NES: variants seen among roughly 807,000 people sequenced by gnomAD.
NES encodes nestin.
NES carries 27 observed loss-of-function variants against 35.6 expected under a neutral mutation model. The ratio of observed to expected loss-of-function variants is 0.76; its 90% CI spans 0.56 to 1.04. NES has a LOEUF of 1.04. NES is among the 50% of genes least tolerant of loss of function. The pLI is 0.00. For missense variants in NES, 1,867 were observed against 1,983.6 expected, an observed-to-expected ratio of 0.94 and a Z score of 1.12; for synonymous variants, 822 against 824.2, an observed-to-expected ratio of 1.00 and a Z score of 0.04.
At chr1:156,675,606 A>G (rs1196724096) in intron 1 of NES, among the ~76,000 whole-genome samples, 1 of 152,158 alleles carries the variant, frequency 6.6e-6, no homozygotes, top group Non-Finnish European at 1.5e-5. Context: ...AAATGGTAGC[A>G]CATGTTGCTC....
Position 156,676,899 on chromosome 1 carries a change from G to A in NES, c.366C>T (p.Ala122=), listed in dbSNP as rs1647313124. The stretch of plus-strand genomic sequence containing the variant: ...CCACCTGGCTACTCAGCCAGGCCCG[G>A]GCGCATTTCTCTGCCTCGACGGCGC... The part of the protein sequence containing the change: ...NRRAVEAEKC[A]RAWLSSQVAE... The change falls in exon 1 of 4, where the codon GCC becomes GCT. Residue 122 remains alanine, a synonymous_variant. Coordinates refer to ENST00000368223, the MANE Select transcript of NES (RefSeq NM_006617.2). The surrounding 1 kb of genome is among the most constrained non-coding windows in gnomAD (Gnocchi z 5.3). 2 of 1,551,554 alleles carry A rather than the reference G, an allele frequency of 1.3e-6. No individual in the cohort carries two copies. Among genetic ancestry groups the A allele is most frequent in the Non-Finnish European group, 8.6e-7 (1 of 1,159,182 alleles).
Position 156,670,887 on chromosome 1 carries a change from G to A in NES, c.3301C>T (p.Pro1101Ser). 5 of 1,089,462 alleles carry A rather than the reference G, an allele frequency of 4.6e-6. No homozygotes were observed. The highest frequency in any genetic ancestry group is 6.6e-6 in the Non-Finnish European group (5 of 753,360). The allele number at this position is 1,089,462 out of a possible 1,614,324, so 67.5% of individuals were successfully genotyped here. A position where few individuals can be genotyped will look rare whatever the true frequency, so the allele number is the denominator to read the frequency against. Residue 1101 changes from proline to serine, a missense_variant, in exon 4 of 4, where the codon CCG becomes TCG. By Grantham distance (74) the Pro-to-Ser change is moderately conservative. Coordinates refer to ENST00000368223, the MANE Select transcript of NES (RefSeq NM_006617.2). Reference protein sequence around the residue: ...GESAAGAEPGPGQGVGGLGDP... With the variant: ...GESAAGAEPGSGQGVGGLGDP... ...CCCAGCCCTCCCACCCCCTGCCCCG[G>A]GCCTGGCTCAGCTCCCGCAGCAGAC...
chr1:156,676,625 C>T lies in NES; in HGVS notation c.640G>A (p.Ala214Thr), dbSNP rs1460868035. 1 of 1,541,924 alleles carries T rather than the reference C, an allele frequency of 6.5e-7. No homozygotes were observed. The highest frequency in any genetic ancestry group is 1.2e-5 in the South Asian group (1 of 85,074). The stretch of plus-strand genomic sequence containing the variant: ...CGGCCCTCGCGGGCACCCTGCACCG[C>T]CCGGCCCAGCCGCTCGCGGGCCTGG... ...LGQARERLGR[A>T]VQGAREGRLE... The change falls in exon 1 of 4, where the codon GCG becomes ACG. Residue 214 changes from alanine (A) to threonine (T), a missense_variant. Coordinates refer to ENST00000368223, the MANE Select transcript of NES (RefSeq NM_006617.2). The surrounding 1 kb of genome is among the most constrained non-coding windows in gnomAD (Gnocchi z 5.3).
At position 156,677,091 on chromosome 1, in the gene NES, G is replaced by A. The variant is rs548453082; in HGVS notation, c.174C>T (p.Asp58=). The change falls in exon 1 of 4, where the codon GAC becomes GAT. Residue 58 remains aspartate, a synonymous_variant. Transcript: ENST00000368223. The surrounding 1 kb of genome is among the most constrained non-coding windows in gnomAD (Gnocchi z 4.5). ...ADTSWRAHAD[D]ELAALRALVD... ...CGAGGGCCCGCAGGGCCGCCAGCTC[G>A]TCGTCGGCATGCGCCCGCCAGGAGG... 275 of 1,603,270 alleles carry A rather than the reference G, an allele frequency of 1.7e-4. 1 individual carries two copies. In the South Asian group the frequency reaches 3.0e-3, roughly 18 times the overall value.
In NES at chr1:156,677,061, G is replaced by A; in HGVS notation, c.204C>T (p.Asp68=). The part of the protein sequence containing the change: ...DELAALRALV[D]QRWREKHAAE... The stretch of plus-strand genomic sequence containing the variant: ...CCGCGTGCTTCTCCCGCCAGCGTTG[G>A]TCAACGAGGGCCCGCAGGGCCGCCA... The change falls in exon 1 of 4, where the codon GAC becomes GAT. Residue 68 remains aspartate, a synonymous_variant. Coordinates refer to ENST00000368223, the MANE Select transcript of NES (RefSeq NM_006617.2). This position sits in a 1 kb window ranked among gnomAD's most constrained non-coding sequence, Gnocchi z 4.5. The A allele has an allele frequency of 2.5e-6, 4 of 1,597,944 alleles. No homozygotes were observed. The highest frequency in any genetic ancestry group is 3.4e-6 in the Non-Finnish European group (4 of 1,174,266).
chr1:156,673,810 C>T (rs1679787253), intron 2 of NES, among the ~76,000 whole-genome samples: 1 of 150,426 alleles, frequency 6.6e-6, no homozygotes, highest in Non-Finnish European at 1.5e-5. Context: ...GCCCTACACA[C>T]ACCCACACAA....
In NES at chr1:156,677,245, TC is replaced by T; in HGVS notation, c.19del (p.Glu7ArgfsTer103). 6.2e-7 allele frequency: 1 copy of T among 1,612,094 alleles called. No individual in the cohort carries two copies. Among genetic ancestry groups the T allele is most frequent in the Non-Finnish European group, 8.5e-7 (1 of 1,179,742 alleles). On this transcript the variant is annotated frameshift_variant, in exon 1 of 4. Coordinates refer to ENST00000368223, the MANE Select transcript of NES (RefSeq NM_006617.2). LOFTEE classifies it high-confidence loss of function. The surrounding 1 kb of genome is among the most constrained non-coding windows in gnomAD (Gnocchi z 4.5). Reference sequence around the variant, plus strand: ...GAGCTCCCACATCTGAAACGACTCCTCCCCCATGCAGCCCTCCATCCTGCTC... The same window carrying T: ...GAGCTCCCACATCTGAAACGACTCCTCCCCATGCAGCCCTCCATCCTGCTC... MEGCMG[E>X]ESFQMWELNR...
chr1:156,675,765 G>A (rs1029883398), intron 1 of NES, among the ~76,000 whole-genome samples: 6 of 152,034 alleles, frequency 3.9e-5, no homozygotes, highest in African/African-American at 1.4e-4. Flanking sequence ...AACAGCCCCC[G>A]TCCCCCGTTG....
Position 156,675,261 on chromosome 1 carries a change from AGC to A in NES, c.861_862del (p.Gln287HisfsTer22). The A allele has an allele frequency of 6.2e-7, 1 of 1,613,694 alleles. No individual in the cohort carries two copies. Reference sequence around the variant, plus strand: ...GCTGAGGGACATCTTGAGGTGCGCCAGCTGCTGCCGACCTTCCAGGACCTGAG... The same window carrying A: ...GCTGAGGGACATCTTGAGGTGCGCCATGCTGCCGACCTTCCAGGACCTGAG... On this transcript the variant is annotated frameshift_variant, in exon 2 of 4. Coordinates refer to ENST00000368223, the MANE Select transcript of NES (RefSeq NM_006617.2). LOFTEE classifies it high-confidence loss of function.
Position 156,677,247 on chromosome 1 carries a change from C to T in NES, c.18G>A (p.Gly6=). 6.2e-7 allele frequency: 1 copy of T among 1,612,302 alleles called. No homozygotes were observed. The highest frequency in any genetic ancestry group is 1.7e-5 in the Admixed American group (1 of 59,964). ...GCTCCCACATCTGAAACGACTCCTC[C>T]CCCATGCAGCCCTCCATCCTGCTCG... is the stretch of plus-strand genomic sequence containing the variant. MEGCM[G]EESFQMWELN... is the part of the protein sequence containing the mutation. The change falls in exon 1 of 4, where the codon GGG becomes GGA. Residue 6 remains glycine, a synonymous_variant. Transcript: ENST00000368223. The surrounding 1 kb of genome is among the most constrained non-coding windows in gnomAD (Gnocchi z 4.5).
Position 156,673,079 on chromosome 1 carries a change from G to C in NES, c.1109C>G (p.Ala370Gly), listed in dbSNP as rs1471341318. ...LPATLETPVP[A>G]FLKNQEFLQA... is the part of the protein sequence containing the mutation. The stretch of plus-strand genomic sequence containing the variant: ...GAGGAATTCTTGGTTCTTAAGAAAG[G>C]CTGGCACAGGTGTCTCAAGGGTAGC... The change falls in exon 4 of 4, where the codon GCC becomes GGC. Residue 370 changes from alanine (A) to glycine (G), a missense_variant. Coordinates refer to ENST00000368223, the MANE Select transcript of NES (RefSeq NM_006617.2). 2 of 1,606,928 alleles carry C rather than the reference G, an allele frequency of 1.2e-6. No homozygotes were observed. Among genetic ancestry groups the C allele is most frequent in the Non-Finnish European group, 1.7e-6 (2 of 1,175,236 alleles).
chr1:156,673,736 C>T (rs1405032766), intron 2 of NES, among the ~76,000 whole-genome samples: 1 of 152,192 alleles, frequency 6.6e-6, no homozygotes, highest in Non-Finnish European at 1.5e-5. Flanking sequence ...CACAAAGTCA[C>T]ACTGTATTTG....
At position 156,674,937 on chromosome 1, in the gene NES, C is replaced by T. The variant is rs112099817; in HGVS notation, c.908+279G>A. On this transcript the variant is annotated intron_variant, in intron 2 of 3. Coordinates refer to ENST00000368223, the MANE Select transcript of NES (RefSeq NM_006617.2). ...AGGGTCTGGATGCAGTTGCCCCACA[C>T]GGGCCCAGCCCCTCTCCAGAGGCTG... Among the ~76,000 whole-genome samples, 34,226 of 152,188 alleles carry T rather than the reference C, an allele frequency of 0.22. 4,766 individuals carry two copies. The highest frequency in any genetic ancestry group is 0.35 in the Middle Eastern group (104 of 294).
Position 156,669,907 on chromosome 1 carries a change from C to T in NES, c.4281G>A (p.Glu1427=). ...GCCCAGCCCCTGGCTCCCTCCCCTC[C>T]TCCTGATCCTCCTCTCCCTCCTCCC... ...ESGEEGEEDQ[E]EGREPGAGRW... Residue 1427 remains glutamate (E), a synonymous_variant, in exon 4 of 4, where the codon GAG becomes GAA. Transcript: ENST00000368223. 6.2e-7 allele frequency: 1 copy of T among 1,613,642 alleles called. No homozygotes were observed. The highest frequency in any genetic ancestry group is 1.3e-5 in the African/African-American group (1 of 75,034).
At position 156,671,165 on chromosome 1, in the gene NES, A is replaced by T. The variant is rs762284095; in HGVS notation, c.3023T>A (p.Ile1008Asn). ...GELNATEEVWIPGEGHPESPE... is the reference protein window; with the variant it reads ...GELNATEEVWNPGEGHPESPE... ...GCTCTCTGGGTGCCCCTCGCCTGGG[A>T]TCCAGACCTCCTCTGTGGCATTCAG... Residue 1008 changes from isoleucine (I) to asparagine (N), a missense_variant, in exon 4 of 4, where the codon ATC becomes AAC. Physicochemically the swap from Ile to Asn is moderately radical, Grantham distance 149. Transcript: ENST00000368223. 2.5e-6 allele frequency: 4 copies of T among 1,613,950 alleles called. No homozygotes were observed. In the African/African-American group the frequency reaches 5.3e-5, roughly 22 times the overall value.
In NES at chr1:156,669,225, AAG is replaced by A; in HGVS notation, c.*95_*96del. On this transcript the variant is annotated 3_prime_UTR_variant, in exon 4 of 4. Coordinates refer to ENST00000368223, the MANE Select transcript of NES (RefSeq NM_006617.2). Reference sequence around the variant, plus strand: ...CAGAAACCATATGTCAAGAGATCGTAAGTTAAGAGTGCTGCTCCTGAGCAGGG... The same window carrying A: ...CAGAAACCATATGTCAAGAGATCGTATTAAGAGTGCTGCTCCTGAGCAGGG... The A allele has an allele frequency of 3.8e-6, 3 of 795,152 alleles. No homozygotes were observed. The highest frequency in any genetic ancestry group is 5.8e-6 in the Non-Finnish European group (3 of 517,660). The allele number at this position is 795,152 out of a possible 1,614,324, so 49.3% of individuals were successfully genotyped here.
intron 2 of NES, among the ~76,000 whole-genome samples, chr1:156,674,673 G>A (rs1461711504): frequency 6.6e-6 from 1 of 152,210 alleles, no homozygotes; most frequent in African/African-American, 2.4e-5. Context: ...ATGAAAGGCT[G>A]GGCAGGACCA....
rs761868663 is a variant in NES at position 156,672,393 on chromosome 1, C to T, written c.1795G>A (p.Asp599Asn). 4.3e-6 allele frequency: 7 copies of T among 1,612,886 alleles called. No homozygotes were observed. The highest frequency in any genetic ancestry group is 1.3e-5 in the African/African-American group (1 of 74,856). The part of the protein sequence containing the change: ...LEKENKELLK[D>N]VEVVRPLEKE... ...TCTAGAGGTCTCACTACCTCCACAT[C>T]CTTTAATAGCTCTTTATTTTCCTTT... Residue 599 changes from aspartate to asparagine, a missense_variant, in exon 4 of 4, where the codon GAT (aspartate) becomes AAT (asparagine). Coordinates refer to ENST00000368223, the MANE Select transcript of NES (RefSeq NM_006617.2).
chr1:156,670,482 G>T lies in NES; in HGVS notation c.3706C>A (p.Gln1236Lys). 1.3e-6 allele frequency: 2 copies of T among 1,577,666 alleles called. No individual in the cohort carries two copies. Among genetic ancestry groups the T allele is most frequent in the Non-Finnish European group, 1.7e-6 (2 of 1,160,088 alleles). The change falls in exon 4 of 4, where the codon CAG (glutamine) becomes AAG (lysine). Residue 1236 changes from glutamine (Q) to lysine (K), a missense_variant. Physicochemically the swap from Gln to Lys is moderately conservative, Grantham distance 53 (BLOSUM62 1). Coordinates refer to ENST00000368223, the MANE Select transcript of NES (RefSeq NM_006617.2). ...TCCTGACTCCCTTCAGCCTGAGGCT[G>T]AGGCCCAGGGGCATCTTCCAGGATC... Reference protein sequence around the residue: ...TPILEDAPGPQPQAEGSQEAS... With the variant: ...TPILEDAPGPKPQAEGSQEAS...
Sources: gnomAD v4.1 joint callset for allele counts (sites outside exome capture counted in the v4.1 genomes callset) on GRCh38, gnomAD v4.1.1 for gene constraint, Gnocchi (gnomAD v3.1) non-coding constraint, MANE v1.5 for transcripts, NCBI Gene and HGNC (gene_info 2026-07-23, HGNC 2026-07-21) for gene names.